Variants in HAUS7 observed in about 807,000 individuals in gnomAD.
HAUS7 encodes the protein HAUS augmin like complex subunit 7, also known as HAUS augmin-like complex subunit 7.
HAUS7 carries 3 observed loss-of-function variants against 28.4 expected under a neutral mutation model. The observed-to-expected ratio is 0.11, with a 90% confidence interval of 0.05 to 0.27. The LOEUF (loss-of-function observed/expected upper bound fraction) is 0.27. HAUS7 is among the 10% of genes least tolerant of loss of function. The pLI is 1.00. For synonymous variants in HAUS7, 165 were observed against 132.1 expected (o/e 1.25, Z -1.71); for missense variants, 284 against 297.3 (o/e 0.96, Z 0.33).
chrX:153,482,442 A>G (rs2089606390), intron 1 of HAUS7: 1 of 756,103 alleles, frequency 1.3e-6, no homozygotes, highest in Non-Finnish European at 1.6e-6. Flanking sequence ...CAGGGCTTGC[A>G]AGGCAGCAGC....
At chrX:153,461,266 G>A (rs7876931) in intron 4 of HAUS7, among the ~76,000 whole-genome samples, 6,282 of 111,804 alleles carry the variant, frequency 0.056, 397 homozygotes, top group African/African-American at 0.18. Flanking sequence ...CTTGGCACAC[G>A]GAGAACCACG....
rs1057240622 is a variant in HAUS7, at chrX:153,479,431, C to T, written c.-588-8286G>A. 9 of 722,397 alleles carry T rather than the reference C, an allele frequency of 1.2e-5. No homozygotes were observed. The East Asian group carries it at 4.6e-4, about 37-fold the overall frequency. The allele number at this position is 722,397 out of a possible 1,213,427, so 59.5% of individuals were successfully genotyped here. A position where few individuals can be genotyped will look rare whatever the true frequency, so the allele number is the denominator to read the frequency against. ...AGGAAGAAGACTGCCGCAGGCTGTC[C>T]ACCTCAGGCCCACTTTGGGTACTCA... On this transcript the variant is annotated intron_variant, in intron 1 of 5. Transcript: ENST00000370210.
chrX:153,491,571 G>T (rs782784162), intron 1 of HAUS7, among the ~76,000 whole-genome samples: 1 of 112,672 alleles, frequency 8.9e-6, no homozygotes, highest in African/African-American at 3.2e-5. Context: ...CATGGCTGCC[G>T]CCCCACCTGC....
intron 2 of HAUS7, among the ~76,000 whole-genome samples, chrX:153,465,756 C>T (rs1314341241): frequency 8.9e-6 from 1 of 112,217 alleles, no homozygotes; most frequent in East Asian, 2.8e-4. Flanking sequence ...AGGTGACACA[C>T]GGCTCAGCCC....
chrX:153,455,974 G>A (rs998350398), intron 7 of HAUS7, among the ~76,000 whole-genome samples: 4 of 112,133 alleles, frequency 3.6e-5, no homozygotes, highest in African/African-American at 9.7e-5. Context: ...TGTGGGCCCC[G>A]GTCTCCTCCG....
chrX:153,462,214 C>T lies in HAUS7; in HGVS notation c.354+396G>A, dbSNP rs182345278. On this transcript the variant is annotated intron_variant, in intron 4 of 9. Transcript: ENST00000370211. ...GGGTGCTGGAGTTTCTTTGACCTAC[C>T]GCAGGGTAGATGAGGGACCTCGGGA... 738 of 1,041,207 alleles carry T rather than the reference C, an allele frequency of 7.1e-4. No homozygotes were observed. The highest frequency in any genetic ancestry group is 8.5e-4 in the Non-Finnish European group (681 of 804,429). The allele number at this position is 1,041,207 out of a possible 1,213,427, so 85.8% of individuals were successfully genotyped here.
At chrX:153,450,057 G>C (rs146459031) in intron 9 of HAUS7, among the ~76,000 whole-genome samples, 4,170 of 111,819 alleles carry the variant, frequency 0.037, 176 homozygotes, top group African/African-American at 0.13. Context: ...TCGAGCCACA[G>C]GGGCTGGGAA....
chrX:153,450,495 G>A (rs1032602693), intron 9 of HAUS7, among the ~76,000 whole-genome samples: 1 of 112,192 alleles, frequency 8.9e-6, no homozygotes, highest in African/African-American at 3.2e-5. Context: ...CACCTTCCCC[G>A]CCCGCTGAGC....
intron 9 of HAUS7, among the ~76,000 whole-genome samples, chrX:153,452,519 A>C (rs1286209743): frequency 5.3e-5 from 6 of 112,478 alleles, no homozygotes; most frequent in Non-Finnish European, 9.4e-5. Context: ...TTTTAAAAGA[A>C]GTGTTAAAGA....
chrX:153,486,097 G>A, intron 1 of HAUS7: 1 of 941,924 alleles, frequency 1.1e-6, no homozygotes, highest in Non-Finnish European at 1.4e-6. Flanking sequence ...ACAGGATCAG[G>A]TAGGGCCCCC....
intron 2 of HAUS7, among the ~76,000 whole-genome samples, chrX:153,466,251 G>A (rs2089453743): frequency 8.9e-6 from 1 of 112,888 alleles, no homozygotes; most frequent in Non-Finnish European, 1.9e-5. Context: ...ACAAGGCTCG[G>A]AGGAGCAGAG....
At chrX:153,457,000 C>A in intron 5 of HAUS7, 137 bp downstream of exon 5, 1 of 491,685 alleles carries the variant, frequency 2.0e-6, no homozygotes. Context: ...CCCTGATTGG[C>A]CAGCCAGATC....
intron 8 of HAUS7, chrX:153,455,106 A>C: frequency 1.3e-6 from 1 of 749,166 alleles, no homozygotes; most frequent in Non-Finnish European, 1.9e-6. Flanking sequence ...ACTTCCTCTC[A>C]TCCTGTCTGA....
chrX:153,477,172 A>G (rs1270521084), intron 1 of HAUS7, among the ~76,000 whole-genome samples: 1 of 113,319 alleles, frequency 8.8e-6, no homozygotes, highest in South Asian at 3.5e-4. Flanking sequence ...GTAGGAGCGG[A>G]GTCCCTCCCT....
intron 1 of HAUS7, among the ~76,000 whole-genome samples, chrX:153,478,863 A>G (rs1288289211): frequency 8.9e-6 from 1 of 112,646 alleles, no homozygotes; most frequent in Non-Finnish European, 1.9e-5. Flanking sequence ...AGGGCCCAGC[A>G]GCCTGCGGTG....
At chrX:153,491,504 C>T (rs1003978965) in intron 1 of HAUS7, among the ~76,000 whole-genome samples, 47 of 112,663 alleles carry the variant, frequency 4.2e-4, no homozygotes, top group South Asian at 1.8e-3. Flanking sequence ...CTCCCAGCCC[C>T]CTTCTTCCGT....
chrX:153,470,119 C>T (rs782720360), intron 1 of HAUS7, among the ~76,000 whole-genome samples: 6 of 112,957 alleles, frequency 5.3e-5, no homozygotes, highest in Non-Finnish European at 1.1e-4. Flanking sequence ...TCTGTCCCCC[C>T]AGACCCCGCA....
chrX:153,470,836 A>AGGCGGGGCGGACACCGGGAAAGG (rs1569531297), upstream of HAUS7: 154 of 286,369 alleles, frequency 5.4e-4, no homozygotes, highest in African/African-American at 4.6e-3. Context: ...ACCGGGAAGG[A>AGGCGGGGCGGACACCGGGAAAGG]GGCGGGGCGG....
chrX:153,485,949 C>T (rs1285914981), intron 1 of HAUS7: 3 of 972,635 alleles, frequency 3.1e-6, no homozygotes, highest in Non-Finnish European at 4.0e-6. Flanking sequence ...AGGCTGCAGG[C>T]TGACGGCATC....
Sources: gnomAD v4.1 joint callset for allele counts (sites outside exome capture counted in the v4.1 genomes callset) on GRCh38, gnomAD v4.1.1 for gene constraint, MANE v1.5 for transcripts, NCBI Gene and HGNC (gene_info 2026-07-23, HGNC 2026-07-21) for gene names.